The following RAD51C variants were observed in gnomAD, a reference collection of about 807,000 sequenced individuals.
RAD51C encodes the protein RAD51 paralog C, also known as DNA repair protein RAD51 homolog 3.
A neutral mutation model predicts 45.0 loss-of-function variants in RAD51C; 42 were observed. The observed-to-expected ratio is 0.93, with a 90% CI of 0.73 to 1.21. The LOEUF is 1.21. Among genes scored for constraint, RAD51C ranks in the 50% most tolerant of loss-of-function variants. The probability of loss-of-function intolerance (pLI) is 0.00; values close to 1 mark genes in which losing one functional copy is unlikely to be tolerated. For synonymous variants in RAD51C, 172 were observed against 159.8 expected (o/e 1.08, Z -0.58); for missense variants, 474 against 452.2 (o/e 1.05, Z -0.44).
chr17:58,716,054 G>A (rs1344871275), intron 5 of RAD51C, among the ~76,000 whole-genome samples: 3 of 150,492 alleles, frequency 2.0e-5, no homozygotes, highest in East Asian at 3.9e-4. Flanking sequence ...GCAGTGAGCC[G>A]AGGTCATGCC....
At chr17:58,693,123 CTT>C (rs746782764) in intron 1 of RAD51C, 47 of 311,930 alleles carry the variant, frequency 1.5e-4, no homozygotes, top group Non-Finnish European at 2.5e-4. Context: ...GCTTAGGTAA[CTT>C]TTCATGCTAA....
chr17:58,703,162 G>T (rs370480007), intron 3 of RAD51C, 34 bp from the exon 4 acceptor site: 1 of 1,604,096 alleles, frequency 6.2e-7, no homozygotes, highest in South Asian at 1.1e-5. Context: ...CATCCAAACA[G>T]GTAAAACTAA....
intron 3 of RAD51C, among the ~76,000 whole-genome samples, chr17:58,697,935 C>T (rs2048076203): frequency 6.6e-6 from 1 of 152,102 alleles, no homozygotes; most frequent in Admixed American, 6.6e-5. Flanking sequence ...TGGTCTCAAA[C>T]TCCTGACCTC....
intron 1 of RAD51C, 190 bp downstream of exon 1, chr17:58,692,978 G>T: frequency 3.8e-6 from 3 of 780,972 alleles, no homozygotes; most frequent in South Asian, 3.6e-5. Flanking sequence ...AACTGTGGTC[G>T]TGAAAACATT....
chr17:58,702,268 T>C (rs1374568619), intron 3 of RAD51C, among the ~76,000 whole-genome samples: 3 of 152,168 alleles, frequency 2.0e-5, no homozygotes, highest in Admixed American at 6.6e-5. Flanking sequence ...ACTTCCATTA[T>C]GTTACTTCTG....
chr17:58,709,367 G>A (rs920425664), intron 4 of RAD51C, among the ~76,000 whole-genome samples: 8 of 152,064 alleles, frequency 5.3e-5, no homozygotes, highest in South Asian at 2.1e-4. Flanking sequence ...GTGAGCCACC[G>A]CGCCCAGCCT....
chr17:58,717,175 G>A (rs2048770307), intron 5 of RAD51C, among the ~76,000 whole-genome samples: 1 of 152,086 alleles, frequency 6.6e-6, no homozygotes, highest in African/African-American at 2.4e-5. Context: ...GGGAGGCCAA[G>A]GTGGGAGGAT....
chr17:58,712,070 C>T (rs551649197), intron 5 of RAD51C, among the ~76,000 whole-genome samples: 6 of 151,764 alleles, frequency 4.0e-5, no homozygotes, highest in African/African-American at 1.2e-4. Context: ...AATAATTGGC[C>T]GGGCACGGCG....
At chr17:58,718,705 T>G (rs2048819541) in intron 5 of RAD51C, among the ~76,000 whole-genome samples, 1 of 152,186 alleles carries the variant, frequency 6.6e-6, no homozygotes, top group African/African-American at 2.4e-5. Context: ...TTGACCTGAC[T>G]ACTAGGATTT....
intron 4 of RAD51C, among the ~76,000 whole-genome samples, chr17:58,704,814 G>T (rs1024777035): frequency 1.3e-5 from 2 of 152,042 alleles, no homozygotes; most frequent in Non-Finnish European, 2.9e-5. Flanking sequence ...ATATGAGAAT[G>T]CCTATTACCC....
At chr17:58,716,389 A>C (rs2143897163) in intron 5 of RAD51C, among the ~76,000 whole-genome samples, 1 of 152,318 alleles carries the variant, frequency 6.6e-6, no homozygotes, top group Middle Eastern at 3.4e-3. Flanking sequence ...CTAGTACAGT[A>C]GCTGCATGAC....
At chr17:58,721,125 A>G (rs575600384) in intron 6 of RAD51C, among the ~76,000 whole-genome samples, 4 of 152,290 alleles carry the variant, frequency 2.6e-5, no homozygotes, top group Non-Finnish European at 5.9e-5. Flanking sequence ...TACTAAAAAT[A>G]CAAAAAATTA....
rs780080251 is a variant in RAD51C at position 58,732,530 on chromosome 17, CTGTTTCAAATCA to C, written c.1013_1024del (p.Leu338_Lys342delinsGln). The C allele has an allele frequency of 6.2e-7, 1 of 1,612,868 alleles. No homozygotes were observed. The highest frequency in any genetic ancestry group is 1.7e-5 in the Admixed American group (1 of 60,000). On this transcript the variant is annotated inframe_deletion and splice_region_variant, in exon 8 of 9. Transcript: ENST00000337432. ...ACCCAGCCAGAAGGAATGCACAGTA[CTGTTTCAAATCA>C]AAGTCAGTATTATTTGATTAGAGTG...
At chr17:58,707,289 T>A (rs2048406690) in intron 4 of RAD51C, among the ~76,000 whole-genome samples, 1 of 152,050 alleles carries the variant, frequency 6.6e-6, no homozygotes, top group Non-Finnish European at 1.5e-5. Context: ...GAGGCTGAGG[T>A]GGGCGGATTG....
At chr17:58,710,365 G>T (rs1311379432) in intron 5 of RAD51C, among the ~76,000 whole-genome samples, 3 of 150,716 alleles carry the variant, frequency 2.0e-5, no homozygotes. Flanking sequence ...CGGTGTGGTG[G>T]CATGCCCCTG....
intron 3 of RAD51C, among the ~76,000 whole-genome samples, chr17:58,697,148 G>A (rs147037447): frequency 1.3e-5 from 2 of 152,222 alleles, no homozygotes; most frequent in African/African-American, 2.4e-5. Context: ...GTAAGTTAAC[G>A]GTGCCGGACA....
At chr17:58,730,227 C>T (rs1204310535) in intron 7 of RAD51C, among the ~76,000 whole-genome samples, 8 of 148,492 alleles carry the variant, frequency 5.4e-5, no homozygotes, top group East Asian at 2.0e-4. Context: ...TGCAGAGGCA[C>T]GATCTCGGCT....
chr17:58,705,086 G>A (rs902023704), intron 4 of RAD51C, among the ~76,000 whole-genome samples: 7 of 146,368 alleles, frequency 4.8e-5, no homozygotes, highest in Non-Finnish European at 9.0e-5. Flanking sequence ...TGCTGAGATC[G>A]TGACACTGCA....
At chr17:58,724,942 A>G (rs1413962197) in intron 7 of RAD51C, among the ~76,000 whole-genome samples, 1 of 152,162 alleles carries the variant, frequency 6.6e-6, no homozygotes, top group Non-Finnish European at 1.5e-5. Flanking sequence ...CTATTTTTTA[A>G]TCTATATTTC....
Sources: gnomAD v4.1 joint callset for allele counts (sites outside exome capture counted in the v4.1 genomes callset) on GRCh38, gnomAD v4.1.1 for gene constraint, MANE v1.5 for transcripts, NCBI Gene and HGNC (gene_info 2026-07-23, HGNC 2026-07-21) for gene names.